Variants in XKR6 observed in about 807,000 individuals in gnomAD.
XKR6 encodes the protein XK related 6, also known as XK-related protein 6.
XKR6 carries 22 observed loss-of-function variants against 56.7 expected under a neutral mutation model. That is an observed-to-expected ratio of 0.39 (90% CI 0.28 to 0.55). The LOEUF (loss-of-function observed/expected upper bound fraction) is 0.55, where lower values mean the gene tolerates loss of function less well. Ranked by LOEUF, XKR6 falls within the 20% of genes least tolerant of loss-of-function variation. The pLI is 0.66. For missense variants in XKR6, 852 were observed against 889.0 expected (o/e 0.96, Z 0.53); for synonymous variants, 524 against 387.8 (o/e 1.35, Z -4.13).
chr8:11,098,853 A>T (rs1798359679), intron 1 of XKR6, among the ~76,000 whole-genome samples: 1 of 152,182 alleles, frequency 6.6e-6, no homozygotes, highest in African/African-American at 2.4e-5. Flanking sequence ...TCTGTTTCAA[A>T]AGTTGGTTTT....
intron 1 of XKR6, among the ~76,000 whole-genome samples, chr8:11,185,839 AT>A (rs1468705977): frequency 2.0e-5 from 3 of 152,214 alleles, no homozygotes; most frequent in Non-Finnish European, 4.4e-5. Flanking sequence ...CAGTTGTATA[AT>A]TTCAAGATAG....
intron 1 of XKR6, chr8:11,129,133 A>G (rs538971763): frequency 3.6e-4 from 132 of 364,890 alleles, no homozygotes; most frequent in Non-Finnish European, 6.5e-4. Context: ...TGATGAATAA[A>G]GGAGTTTCTT....
intron 2 of XKR6, among the ~76,000 whole-genome samples, chr8:10,907,032 G>A (rs1485781749): frequency 2.0e-5 from 3 of 151,834 alleles, no homozygotes; most frequent in Non-Finnish European, 4.4e-5. Context: ...TGGCAACAGA[G>A]CAAGACTCCA....
intron 1 of XKR6, among the ~76,000 whole-genome samples, chr8:11,082,341 G>A (rs1356408401): frequency 6.6e-6 from 1 of 152,250 alleles, no homozygotes. Flanking sequence ...GAATGTGGGA[G>A]CAAGAGTTGG....
In XKR6 at chr8:11,166,301, C is replaced by A. The variant is rs185780002; in HGVS notation, c.764+34275G>T. On this transcript the variant is annotated intron_variant, in intron 1 of 2. Transcript: ENST00000416569. ...GGGTCATTTCAGGATTGCGTGTTCACAGTGGGGGAAAAATCCCAAAATGTG... is the reference window on the plus strand; with the variant it reads ...GGGTCATTTCAGGATTGCGTGTTCAAAGTGGGGGAAAAATCCCAAAATGTG... 4.1e-3 allele frequency among the ~76,000 whole-genome samples: 619 copies of A among 152,156 alleles called. 21 individuals carry two copies. Among genetic ancestry groups the A allele is most frequent in the Admixed American group, 0.039 (590 of 15,284 alleles).
At chr8:10,937,385 C>G (rs1801236355) in intron 1 of XKR6, among the ~76,000 whole-genome samples, 1 of 151,140 alleles carries the variant, frequency 6.6e-6, no homozygotes, top group African/African-American at 2.4e-5. Flanking sequence ...TCGTCTGAAG[C>G]CTTCTTCTCT....
In XKR6 at chr8:11,107,010, C is replaced by G. The variant is rs546174542; in HGVS notation, c.764+93566G>C. 5.3e-5 allele frequency among the ~76,000 whole-genome samples: 8 copies of G among 152,100 alleles called. 1 individual carries two copies. In the South Asian group the frequency reaches 1.0e-3, roughly 20 times the overall value. ...GCAGCAAGTGAACTCTTTAAGGCAA[C>G]TGAAAACCTCCCATCCCCAGAGCAA... On this transcript the variant is annotated intron_variant, in intron 1 of 2. Transcript: ENST00000416569.
chr8:11,016,457 G>GGC (rs1342188287), intron 1 of XKR6, among the ~76,000 whole-genome samples: 1 of 152,212 alleles, frequency 6.6e-6, no homozygotes, highest in African/African-American at 2.4e-5. Context: ...GGTCTCTCGA[G>GGC]GCGCAGACAA....
chr8:11,014,764 ACCTCCGGGT>A (rs1798581195), intron 1 of XKR6, among the ~76,000 whole-genome samples: 1 of 151,998 alleles, frequency 6.6e-6, no homozygotes, highest in Non-Finnish European at 1.5e-5. Context: ...CCCTTTTGGG[ACCTCCGGGT>A]CCCCAAACCT....
chr8:11,170,745 A>T (rs1802323888), intron 1 of XKR6, among the ~76,000 whole-genome samples: 1 of 152,232 alleles, frequency 6.6e-6, no homozygotes, highest in Non-Finnish European at 1.5e-5. Context: ...CTGCCCTTCA[A>T]CATTCTGATA....
chr8:11,057,125 C>T (rs976264463), intron 1 of XKR6, among the ~76,000 whole-genome samples: 1 of 152,218 alleles, frequency 6.6e-6, no homozygotes, highest in African/African-American at 2.4e-5. Context: ...AAGCACAAAA[C>T]ATTTTCCTAT....
chr8:11,084,097 G>C (rs557747009), intron 1 of XKR6, among the ~76,000 whole-genome samples: 2 of 152,328 alleles, frequency 1.3e-5, no homozygotes, highest in South Asian at 4.1e-4. Context: ...TTTCCTCTAA[G>C]CCTCAGTTTC....
intron 1 of XKR6, among the ~76,000 whole-genome samples, chr8:11,004,302 T>C (rs919439580): frequency 6.6e-6 from 1 of 151,986 alleles, no homozygotes; most frequent in African/African-American, 2.4e-5. Flanking sequence ...TGAAACCTCA[T>C]CTCTACTAAA....
Position 11,201,080 on chromosome 8 carries a change from G to C in XKR6, c.260C>G (p.Ala87Gly). 1 of 1,344,312 alleles carries C rather than the reference G, an allele frequency of 7.4e-7. No individual in the cohort carries two copies. The highest frequency in any genetic ancestry group is 1.9e-5 in the South Asian group (1 of 53,908). The allele number at this position is 1,344,312 out of a possible 1,614,324, so 83.3% of individuals were successfully genotyped here. ...LLGRKPRRSA[A>G]ADGGDQPLQP... ...CAGCGGCTGGTCCCCCCCGTCGGCG[G>C]CGGCGCTGCGGCGCGGCTTCCTGCC... Residue 87 changes from alanine to glycine, a missense_variant, in exon 1 of 3, where the codon GCC (alanine) becomes GGC (glycine). Physicochemically the swap from Ala to Gly is moderately conservative, Grantham distance 60. Around this residue, in one of 4 missense-constraint regions of XKR6, gnomAD observed 417 missense variants for 355.2 expected, o/e 1.17. Transcript: ENST00000416569.
chr8:10,981,599 T>C (rs4458840), intron 1 of XKR6, among the ~76,000 whole-genome samples: 8,703 of 152,230 alleles, frequency 0.057, 777 homozygotes, highest in African/African-American at 0.19. Context: ...GACCCAGGGA[T>C]CTAGAATAAG....
intron 1 of XKR6, among the ~76,000 whole-genome samples, chr8:11,017,199 T>A (rs1055466915): frequency 2.6e-5 from 4 of 152,180 alleles, no homozygotes; most frequent in Non-Finnish European, 5.9e-5. Context: ...TTGTAACACG[T>A]ATAGATAGGC....
intron 1 of XKR6, among the ~76,000 whole-genome samples, chr8:10,975,641 T>C (rs1199463360): frequency 1.3e-5 from 2 of 152,186 alleles, no homozygotes; most frequent in Non-Finnish European, 2.9e-5. Flanking sequence ...GAGACATCTG[T>C]CCCAGTGAGA....
chr8:11,069,699 C>T lies in XKR6; in HGVS notation c.764+130877G>A, dbSNP rs375756915. Among the ~76,000 whole-genome samples, 6 of 140,672 alleles carry T rather than the reference C, an allele frequency of 4.3e-5. No homozygotes were observed. In the East Asian group the frequency reaches 9.7e-4, roughly 23 times the overall value. 92.3% of individuals were successfully genotyped at this position (140,672 alleles called of 152,430 possible). A position where few individuals can be genotyped will look rare whatever the true frequency, so the allele number is the denominator to read the frequency against. On this transcript the variant is annotated intron_variant, in intron 1 of 2. Coordinates refer to ENST00000416569, the MANE Select transcript of XKR6 (RefSeq NM_173683.4). ...AACAGAATAAAGAGGGAGAGGGGAA[C>T]ATAGGTGCAAGAGAGTTCAGGGGTC...
At chr8:11,097,668 G>A (rs901258267) in intron 1 of XKR6, among the ~76,000 whole-genome samples, 4 of 151,760 alleles carry the variant, frequency 2.6e-5, no homozygotes, top group South Asian at 2.1e-4. Context: ...TTAGCCGGGC[G>A]TGGTGGTGCA....
Sources: gnomAD v4.1 joint callset for allele counts (sites outside exome capture counted in the v4.1 genomes callset) on GRCh38, gnomAD v4.1.1 for gene constraint, gnomAD v4.1.1 regional missense constraint, MANE v1.5 for transcripts, NCBI Gene and HGNC (gene_info 2026-07-23, HGNC 2026-07-21) for gene names.